The following ADAMTSL1 variants were observed in gnomAD, a reference collection of about 807,000 sequenced individuals.
ADAMTSL1 encodes ADAMTS like 1, also known as ADAMTS-like protein 1.
Under a neutral mutation model 201.8 loss-of-function variants are expected in ADAMTSL1, and 126 were observed. The ratio of observed to expected loss-of-function variants is 0.62; its 90% CI spans 0.54 to 0.72. The LOEUF is 0.72. Among genes scored for constraint, ADAMTSL1 ranks in the 30% least tolerant of loss-of-function variants. The pLI, the probability that ADAMTSL1 is intolerant of heterozygous loss-of-function variation, is 0.00. For synonymous variants in ADAMTSL1, 1,121 were observed against 903.4 expected (o/e 1.24, Z -4.32); for missense variants, 2,679 against 2,277.8 (o/e 1.18, Z -3.59).
chr9:18,688,439 C>A (rs13292199), intron 13 of ADAMTSL1, among the ~76,000 whole-genome samples: 1 of 150,528 alleles, frequency 6.6e-6, no homozygotes, highest in Non-Finnish European at 1.5e-5. Flanking sequence ...AATATATTTT[C>A]TAGGTATGTA....
intron 2 of ADAMTSL1, among the ~76,000 whole-genome samples, chr9:18,505,902 T>C (rs578170539): frequency 1.1e-3 from 164 of 152,380 alleles, no homozygotes; most frequent in Non-Finnish European, 1.8e-3. Context: ...AATCAGCGTC[T>C]GAGCCTTATT....
chr9:18,690,746 A>T (rs1831162388), intron 13 of ADAMTSL1, among the ~76,000 whole-genome samples: 2 of 152,190 alleles, frequency 1.3e-5, no homozygotes, highest in East Asian at 3.8e-4. Flanking sequence ...CTTCCCCTCC[A>T]ATAGTCTTGA....
chr9:17,918,680 A>G (rs778048586), intron 1 of ADAMTSL1, among the ~76,000 whole-genome samples: 3 of 151,838 alleles, frequency 2.0e-5, no homozygotes, highest in Non-Finnish European at 3.0e-5. Context: ...TTAAATGTCA[A>G]TCAGGTCAAA....
chr9:18,830,730 G>C (rs77262631), intron 23 of ADAMTSL1, among the ~76,000 whole-genome samples: 12 of 151,646 alleles, frequency 7.9e-5, no homozygotes, highest in East Asian at 1.9e-4. Context: ...AAGGCCTGGT[G>C]GGGGGGTGGG....
intron 20 of ADAMTSL1, among the ~76,000 whole-genome samples, chr9:18,811,936 GA>G (rs1453499019): frequency 1.3e-5 from 2 of 152,084 alleles, no homozygotes; most frequent in Non-Finnish European, 2.9e-5. Context: ...AAACTCTGAT[GA>G]AAGAAATTAA....
In ADAMTSL1 at chr9:17,985,503, G is replaced by T. The variant is rs147229532; in HGVS notation, c.87+78581G>T. On this transcript the variant is annotated intron_variant, in intron 1 of 29. Transcript: ENST00000680146. ...TTATAGTTCTGAGTACTACAAAAAA[G>T]ATACTTGAGCTAAGATATAAAGGTA... Among the ~76,000 whole-genome samples, 1,027 of 152,068 alleles carry T rather than the reference G, an allele frequency of 6.8e-3. 14 individuals carry two copies. Among genetic ancestry groups the T allele is most frequent in the African/African-American group, 0.024 (978 of 41,514 alleles).
chr9:18,844,764 T>C (rs909418001), intron 23 of ADAMTSL1, among the ~76,000 whole-genome samples: 2 of 152,216 alleles, frequency 1.3e-5, no homozygotes, highest in Admixed American at 6.5e-5. Flanking sequence ...CCCCCAGCCT[T>C]GCTGCCGCAT....
intron 2 of ADAMTSL1, among the ~76,000 whole-genome samples, chr9:18,438,651 G>A (rs563699871): frequency 3.3e-5 from 5 of 152,100 alleles, no homozygotes; most frequent in African/African-American, 9.7e-5. Context: ...CTGCAGCACC[G>A]CAGGCTTCCT....
chr9:18,840,164 T>A (rs1040445150), intron 23 of ADAMTSL1, among the ~76,000 whole-genome samples: 5 of 150,666 alleles, frequency 3.3e-5, no homozygotes, highest in Non-Finnish European at 7.4e-5. Context: ...TTTTTATGGT[T>A]TTAGGTCTAA....
At chr9:17,994,374 C>T (rs548744656) in intron 1 of ADAMTSL1, among the ~76,000 whole-genome samples, 1 of 152,164 alleles carries the variant, frequency 6.6e-6, no homozygotes, top group South Asian at 2.1e-4. Context: ...GTAGAAAATG[C>T]TGACAAGAGA....
chr9:18,354,949 C>T (rs149484489), intron 2 of ADAMTSL1, among the ~76,000 whole-genome samples: 22 of 152,114 alleles, frequency 1.4e-4, no homozygotes, highest in African/African-American at 4.3e-4. Context: ...CCAGCCTGGG[C>T]GACAAAGCAA....
At chr9:18,838,513 T>TAAAA (rs1379828294) in intron 23 of ADAMTSL1, among the ~76,000 whole-genome samples, 2 of 149,102 alleles carry the variant, frequency 1.3e-5, no homozygotes, top group Non-Finnish European at 3.0e-5. Flanking sequence ...GGCTCCAGTT[T>TAAAA]AAAAATAAAT....
chr9:18,231,343 G>C (rs1830638447), intron 2 of ADAMTSL1, among the ~76,000 whole-genome samples: 1 of 152,118 alleles, frequency 6.6e-6, no homozygotes, highest in Admixed American at 6.5e-5. Context: ...GATCACCAGT[G>C]ATTTCCATAT....
At chr9:17,937,943 G>A (rs575591672) in intron 1 of ADAMTSL1, among the ~76,000 whole-genome samples, 207 of 152,192 alleles carry the variant, frequency 1.4e-3, no homozygotes, top group Middle Eastern at 0.01. Flanking sequence ...GTATGAGGAG[G>A]GGGGAAGGTG....
chr9:18,905,480 A>G (rs1363524063), intron 26 of ADAMTSL1: 2 of 363,302 alleles, frequency 5.5e-6, no homozygotes, highest in East Asian at 1.1e-4. Context: ...TTCCTAGCAT[A>G]TTATGCCAAA....
At chr9:18,270,067 T>C (rs1587436533) in intron 2 of ADAMTSL1, among the ~76,000 whole-genome samples, 1 of 152,098 alleles carries the variant, frequency 6.6e-6, no homozygotes, top group Non-Finnish European at 1.5e-5. Context: ...TATAACAAAA[T>C]ACCATTGATT....
At chr9:17,915,054 G>C (rs1178366584) in intron 1 of ADAMTSL1, among the ~76,000 whole-genome samples, 1 of 152,038 alleles carries the variant, frequency 6.6e-6, no homozygotes, top group African/African-American at 2.4e-5. Flanking sequence ...TTGTATTGAG[G>C]TATAAATGGC....
chr9:18,213,199 T>C (rs1385937382), intron 2 of ADAMTSL1, among the ~76,000 whole-genome samples: 1 of 152,216 alleles, frequency 6.6e-6, no homozygotes, highest in East Asian at 1.9e-4. Flanking sequence ...ATTTAATATC[T>C]TTTTCACCTG....
intron 1 of ADAMTSL1, among the ~76,000 whole-genome samples, chr9:18,079,726 TAAAA>T (rs1357728771): frequency 3.5e-5 from 5 of 141,844 alleles, no homozygotes; most frequent in Admixed American, 2.1e-4. Context: ...AATAAATAAA[TAAAA>T]TAAAAAATAA....
Sources: gnomAD v4.1 joint callset for allele counts (sites outside exome capture counted in the v4.1 genomes callset) on GRCh38, gnomAD v4.1.1 for gene constraint, MANE v1.5 for transcripts, NCBI Gene and HGNC (gene_info 2026-07-23, HGNC 2026-07-21) for gene names.